The following NOTCH1 variants were observed in gnomAD, a reference collection of about 807,000 sequenced individuals.
NOTCH1 encodes the protein notch receptor 1.
NOTCH1 carries 37 observed loss-of-function variants against 254.8 expected under a neutral mutation model. The observed-to-expected ratio is 0.15, with a 90% CI of 0.11 to 0.19. The LOEUF is 0.19. NOTCH1 is among the 10% of genes least tolerant of loss of function. NOTCH1 has a pLI of 1.00. For synonymous variants in NOTCH1, 1,731 were observed against 1,618.1 expected, an observed-to-expected ratio of 1.07 and a Z score of -1.68; for missense variants, 2,972 against 3,708.6, an observed-to-expected ratio of 0.80 and a Z score of 5.16.
At chr9:136,502,848 T>C (rs1564189262) in intron 27 of NOTCH1, 1 of 579,852 alleles carries the variant, frequency 1.7e-6, no homozygotes, top group East Asian at 3.1e-5. Flanking sequence ...CGATCAATTC[T>C]TCTCTCTCTC....
intron 2 of NOTCH1, among the ~76,000 whole-genome samples, chr9:136,532,729 C>T (rs1303962934): frequency 6.6e-6 from 1 of 152,262 alleles, no homozygotes; most frequent in Non-Finnish European, 1.5e-5. Context: ...CGCTTCCCAT[C>T]TCCTAAGGAG....
In NOTCH1 at chr9:136,509,076, A is replaced by C. The variant is rs1406514520; in HGVS notation, c.2970-5T>G. The C allele has an allele frequency of 2.6e-6, 4 of 1,554,682 alleles. No homozygotes were observed. The highest frequency in any genetic ancestry group is 1.4e-5 in the African/African-American group (1 of 73,414). On this transcript the variant is annotated splice_polypyrimidine_tract_variant and splice_region_variant and intron_variant, in intron 18 of 33. Coordinates refer to ENST00000651671, the MANE Select transcript of NOTCH1 (RefSeq NM_017617.5). ...GTGCCACCGTTGAAGCAGGAGCTGCAAGGGGGTGGGCAGGCGGGGGCTGAG... is the reference window on the plus strand; with the variant it reads ...GTGCCACCGTTGAAGCAGGAGCTGCCAGGGGGTGGGCAGGCGGGGGCTGAG...
In NOTCH1 at chr9:136,508,212, G is replaced by A. The variant is rs553749290; in HGVS notation, c.3325+20C>T. The A allele has an allele frequency of 8.1e-6, 13 of 1,609,570 alleles. No homozygotes were observed. In the African/African-American group the frequency reaches 1.3e-4, roughly 17 times the overall value. ...ACCTTGATGGGCTGGGACCCGAGCT[G>A]GGTGGGCACAGCAGGTTACCTTGTC... On this transcript the variant is annotated intron_variant, in intron 20 of 33. Transcript: ENST00000651671.
In NOTCH1 at chr9:136,497,469, C is replaced by T. The variant is rs755970286; in HGVS notation, c.6270G>A (p.Thr2090=). Residue 2090 remains threonine (T), a synonymous_variant, in exon 34 of 34, where the codon ACG becomes ACA. Coordinates refer to ENST00000651671, the MANE Select transcript of NOTCH1 (RefSeq NM_017617.5). ...LLDHFANRDI[T]DHMDRLPRDI... Reference sequence around the variant, plus strand: ...CGCGCGGCAGGCGGTCCATATGATCCGTGATGTCCCGGTTGGCAAAGTGGT... The same window carrying T: ...CGCGCGGCAGGCGGTCCATATGATCTGTGATGTCCCGGTTGGCAAAGTGGT... 21 of 1,612,256 alleles carry T rather than the reference C, an allele frequency of 1.3e-5. No individual in the cohort carries two copies. The highest frequency in any genetic ancestry group is 1.1e-4 in the African/African-American group (8 of 74,912).
chr9:136,512,752 G>C (rs909003719), intron 15 of NOTCH1, among the ~76,000 whole-genome samples: 2 of 152,170 alleles, frequency 1.3e-5, no homozygotes, highest in African/African-American at 4.8e-5. Context: ...TTTTCTCCCA[G>C]GCATCCTGTA....
rs61733294 is a variant in NOTCH1, at chr9:136,497,342, G to A, written c.6397C>T (p.Pro2133Ser). 9.1e-4 allele frequency: 1,462 copies of A among 1,606,230 alleles called. 15 individuals are homozygous for A. In the African/African-American group the frequency reaches 0.018, roughly 19 times the overall value. Reference sequence around the variant, plus strand: ...GAGCAGAGCGGGGGCGACAGGGTGGGCGTGCCCCCCAGCGGGGCTCCGTGC... The same window carrying A: ...GAGCAGAGCGGGGGCGACAGGGTGGACGTGCCCCCCAGCGGGGCTCCGTGC... ...QLHGAPLGGT[P>S]TLSPPLCSPN... The change falls in exon 34 of 34, where the codon CCC becomes TCC. Residue 2133 changes from proline (P) to serine (S), a missense_variant. Pro to Ser is a moderately conservative substitution (Grantham distance 74, BLOSUM62 -1). Coordinates refer to ENST00000651671, the MANE Select transcript of NOTCH1 (RefSeq NM_017617.5).
chr9:136,521,261 C>G (rs1843362292), intron 4 of NOTCH1, among the ~76,000 whole-genome samples: 1 of 152,116 alleles, frequency 6.6e-6, no homozygotes, highest in African/African-American at 2.4e-5. Flanking sequence ...GAGCACACCC[C>G]TCACCGGACG....
chr9:136,499,205 T>A lies in NOTCH1; in HGVS notation c.5989A>T (p.Thr1997Ser), dbSNP rs1252740357. Residue 1997 changes from threonine to serine, a missense_variant, in exon 32 of 34, where the codon ACG becomes TCG. Physicochemically the swap from Thr to Ser is moderately conservative, Grantham distance 58. Coordinates refer to ENST00000651671, the MANE Select transcript of NOTCH1 (RefSeq NM_017617.5). ...AGGCGGGCAGCCAGGATCAGTGGCG[T>A]CGTGCCATCATGCATGCGGGCATCC... ...DLDARMHDGT[T>S]PLILAARLAV... 1.2e-6 allele frequency: 2 copies of A among 1,613,386 alleles called. No individual in the cohort carries two copies. Among genetic ancestry groups the A allele is most frequent in the Admixed American group, 1.7e-5 (1 of 60,020 alleles).
At chr9:136,535,175 G>C (rs1253022542) in intron 2 of NOTCH1, among the ~76,000 whole-genome samples, 3 of 151,748 alleles carry the variant, frequency 2.0e-5, no homozygotes, top group Non-Finnish European at 4.4e-5. Flanking sequence ...CTGCAGCTGA[G>C]GCTGAGGGGC....
At chr9:136,517,486 G>T in intron 8 of NOTCH1, 101 bp from the exon 9 acceptor site, 1 of 942,578 alleles carries the variant, frequency 1.1e-6, no homozygotes, top group Non-Finnish European at 1.6e-6. Flanking sequence ...CTCCAGCCCA[G>T]TGTCCCAGCC....
Position 136,497,015 on chromosome 9 carries a change from G to C in NOTCH1, c.6724C>G (p.Leu2242Val). 1 of 1,609,782 alleles carries C rather than the reference G, an allele frequency of 6.2e-7. No homozygotes were observed. Among genetic ancestry groups the C allele is most frequent in the Non-Finnish European group, 8.5e-7 (1 of 1,178,566 alleles). Residue 2242 changes from leucine to valine, a missense_variant, in exon 34 of 34, where the codon CTG (leucine) becomes GTG (valine). Physicochemically the swap from Leu to Val is conservative, Grantham distance 32. This residue lies in a region of NOTCH1 where 529 missense variants were observed against 529.2 expected (regional missense o/e 1.00). Coordinates refer to ENST00000651671, the MANE Select transcript of NOTCH1 (RefSeq NM_017617.5). ...NHLPGMPDTHLGIGHLNVAAK... is the reference protein window; with the variant it reads ...NHLPGMPDTHVGIGHLNVAAK... ...GCCACGTTCAGGTGCCCGATGCCCA[G>C]GTGGGTGTCGGGCATCCCAGGCAGG...
At chr9:136,505,265 C>A (rs1461702931) in intron 25 of NOTCH1, 45 bp downstream of exon 25, 1 of 1,546,024 alleles carries the variant, frequency 6.5e-7, no homozygotes, top group South Asian at 1.2e-5. Context: ...CAGGCCACAT[C>A]CAAGTTCAGG....
At chr9:136,510,110 G>A in intron 17 of NOTCH1, 149 bp from the exon 18 acceptor site, 1 of 748,406 alleles carries the variant, frequency 1.3e-6, no homozygotes, top group Non-Finnish European at 2.3e-6. Flanking sequence ...GTCTGGTGGG[G>A]AGCCCCAGCA....
chr9:136,537,048 G>T (rs1339404109), intron 2 of NOTCH1, among the ~76,000 whole-genome samples: 2 of 152,234 alleles, frequency 1.3e-5, no homozygotes, highest in Admixed American at 1.3e-4. Context: ...CAGGACAGGG[G>T]CCGCGGGCAC....
At position 136,518,602 on chromosome 9, in the gene NOTCH1, T is replaced by C. The variant is rs762385636; in HGVS notation, c.1088A>G (p.His363Arg). 4 of 1,612,568 alleles carry C rather than the reference T, an allele frequency of 2.5e-6. No homozygotes were observed. Among genetic ancestry groups the C allele is most frequent in the South Asian group, 1.1e-5 (1 of 91,054 alleles). The stretch of plus-strand genomic sequence containing the variant: ...CTCAAGGCACTCACCTGTGCGGCCA[T>C]GGGGACACTCGCAGTAGAAGGAGGC... The part of the protein sequence containing the change: ...RVASFYCECP[H>R]GRTGLLCHLN... The change falls in exon 6 of 34, where the codon CAT (histidine) becomes CGT (arginine). Residue 363 changes from histidine to arginine, a missense_variant. By Grantham distance (29) the His-to-Arg change is conservative. Transcript: ENST00000651671.
chr9:136,505,833 G>A lies in NOTCH1; in HGVS notation c.4063C>T (p.Leu1355=), dbSNP rs774399602. 1 of 1,593,874 alleles carries A rather than the reference G, an allele frequency of 6.3e-7. No individual in the cohort carries two copies. The highest frequency in any genetic ancestry group is 1.3e-5 in the African/African-American group (1 of 74,922). Residue 1355 remains leucine (L), a synonymous_variant, in exon 25 of 34, where the codon CTG becomes TTG. Transcript: ENST00000651671. ...CATGTGCCGCCGTTGAGGCAGCGCAGGCTGCCGCAGGTACGAGCGTCATTC... is the reference window on the plus strand; with the variant it reads ...CATGTGCCGCCGTTGAGGCAGCGCAAGCTGCCGCAGGTACGAGCGTCATTC... ...CENDARTCGS[L]RCLNGGTCIS...
intron 4 of NOTCH1, among the ~76,000 whole-genome samples, chr9:136,521,704 G>A (rs536496639): frequency 3.9e-5 from 6 of 152,152 alleles, no homozygotes; most frequent in Non-Finnish European, 8.8e-5. Context: ...CCCACCCCAC[G>A]CTCGCCCAGT....
At position 136,540,923 on chromosome 9, in the gene NOTCH1, C is replaced by T. The variant is rs778182883; in HGVS notation, c.140+3101G>A. ...CTGGGAGAGCGTTTCAGACCAAGGA[C>T]GTAGTCTCACCCAGACAGATAGGGT... On this transcript the variant is annotated intron_variant, in intron 2 of 33. Coordinates refer to ENST00000651671, the MANE Select transcript of NOTCH1 (RefSeq NM_017617.5). The surrounding 1 kb of genome is among the most constrained non-coding windows in gnomAD (Gnocchi z 4.4). Among the ~76,000 whole-genome samples the T allele has an allele frequency of 6.6e-6, 1 of 152,298 alleles. No individual in the cohort carries two copies. Among genetic ancestry groups the T allele is most frequent in the South Asian group, 2.1e-4 (1 of 4,826 alleles).
rs2133377444 is a variant in NOTCH1 at position 136,522,950 on chromosome 9, G to A, written c.642C>T (p.Asn214=). ...CVCRATHTGP[N]CERPYVPCSP... Reference sequence around the variant, plus strand: ...TGCAGGGCACGTAGGGCCGCTCGCAGTTGGGGCCAGTGTGGGTGGCGCGGC... The same window carrying A: ...TGCAGGGCACGTAGGGCCGCTCGCAATTGGGGCCAGTGTGGGTGGCGCGGC... The change falls in exon 4 of 34, where the codon AAC becomes AAT. Residue 214 remains asparagine (N), a synonymous_variant. Transcript: ENST00000651671. 6.4e-7 allele frequency: 1 copy of A among 1,557,296 alleles called. No individual in the cohort carries two copies. Among genetic ancestry groups the A allele is most frequent in the East Asian group, 2.4e-5 (1 of 41,480 alleles).
Sources: allele counts gnomAD v4.1 joint callset (sites outside exome capture counted in the v4.1 genomes callset), GRCh38; gene constraint gnomAD v4.1.1; regional missense constraint gnomAD v4.1.1; non-coding constraint Gnocchi (gnomAD v3.1); transcripts MANE v1.5; gene names NCBI Gene and HGNC (gene_info 2026-07-23, HGNC 2026-07-21).